The following ERCC8 variants were observed in gnomAD, a reference collection of about 807,000 sequenced individuals.
The protein encoded by ERCC8 is DNA excision repair protein ERCC-8.
Under a neutral mutation model 54.9 loss-of-function variants are expected in ERCC8, and 52 were observed. That is an observed-to-expected ratio of 0.95 (90% CI 0.76 to 1.19). The LOEUF is 1.19. ERCC8 is among the 50% of genes most tolerant of loss of function. ERCC8 has a pLI of 0.00. For synonymous variants in ERCC8, 146 were observed against 157.2 expected (o/e 0.93, Z 0.53); for missense variants, 514 against 466.1 (o/e 1.10, Z -0.95).
chr5:60,887,737 T>C (rs1030161453), intron 10 of ERCC8, among the ~76,000 whole-genome samples: 3 of 152,238 alleles, frequency 2.0e-5, no homozygotes, highest in African/African-American at 7.2e-5. Context: ...CAGAGCTTAC[T>C]AATGGTGTGA....
At chr5:60,904,380 A>G (rs1748990915) in intron 5 of ERCC8, among the ~76,000 whole-genome samples, 1 of 151,858 alleles carries the variant, frequency 6.6e-6, no homozygotes, top group Non-Finnish European at 1.5e-5. Context: ...GTGCTTTTAT[A>G]TAAATTGATG....
rs189673886 is a variant in ERCC8 at position 60,887,384 on chromosome 5, A to C, written c.1122+56T>G. 3 of 1,406,832 alleles carry C rather than the reference A, an allele frequency of 2.1e-6. No homozygotes were observed. In the Admixed American group the frequency reaches 5.0e-5, roughly 24 times the overall value. 87.1% of individuals were successfully genotyped at this position (1,406,832 alleles called of 1,614,324 possible). A position where few individuals can be genotyped will look rare whatever the true frequency, so the allele number is the denominator to read the frequency against. On this transcript the variant is annotated intron_variant, in intron 11 of 11. Transcript: ENST00000676185. ...AAGTCTCTCTCACATAAAGTAACAA[A>C]ACATTATTTCTTAAGCTTTAGAAGT...
At chr5:60,885,691 A>T (rs890325946) in intron 11 of ERCC8, among the ~76,000 whole-genome samples, 1 of 152,158 alleles carries the variant, frequency 6.6e-6, no homozygotes, top group Non-Finnish European at 1.5e-5. Context: ...CTACTTAAAG[A>T]TTTATCAAAA....
intron 11 of ERCC8, among the ~76,000 whole-genome samples, chr5:60,883,491 T>A (rs6449510): frequency 6.6e-6 from 1 of 151,766 alleles, no homozygotes; most frequent in Non-Finnish European, 1.5e-5. Flanking sequence ...TGACAGATAG[T>A]GTCAATGTTA....
chr5:60,938,373 G>A (rs1469043690), intron 1 of ERCC8, among the ~76,000 whole-genome samples: 2 of 45,114 alleles, frequency 4.4e-5, no homozygotes, highest in African/African-American at 1.7e-4. Context: ...TTTTTTTTTT[G>A]AGACGGAGTC....
intron 5 of ERCC8, among the ~76,000 whole-genome samples, chr5:60,903,959 AT>A (rs747828729): frequency 2.0e-5 from 3 of 152,072 alleles, no homozygotes; most frequent in Non-Finnish European, 2.9e-5. Context: ...ATAATTATAG[AT>A]TTGCAAGCAG....
intron 2 of ERCC8, among the ~76,000 whole-genome samples, chr5:60,923,268 T>C (rs1314007030): frequency 6.6e-6 from 1 of 152,146 alleles, no homozygotes; most frequent in Non-Finnish European, 1.5e-5. Flanking sequence ...AACAAGCATA[T>C]ATACTAAAGC....
At chr5:60,912,401 T>C (rs765480995) in intron 4 of ERCC8, among the ~76,000 whole-genome samples, 8 of 152,246 alleles carry the variant, frequency 5.3e-5, no homozygotes, top group African/African-American at 7.2e-5. Context: ...TTGTCTGTTA[T>C]TGGTATATAG....
At chr5:60,917,562 G>C (rs1205354522) in intron 4 of ERCC8, 2 of 152,058 alleles carry the variant, frequency 1.3e-5, no homozygotes, top group Admixed American at 6.6e-5. Context: ...GTGCAGTAAA[G>C]GCAAGGTAAA....
chr5:60,874,745 C>A (rs1218916130), intron 11 of ERCC8, 62 bp from the exon 12 acceptor site: 3 of 1,387,934 alleles, frequency 2.2e-6, no homozygotes, highest in Non-Finnish European at 3.0e-6. Context: ...TAATTTTAGG[C>A]TCACAATAAA....
At chr5:60,874,738 T>C in intron 11 of ERCC8, 55 bp from the exon 12 acceptor site, 1 of 1,430,672 alleles carries the variant, frequency 7.0e-7, no homozygotes, top group Non-Finnish European at 9.6e-7. Context: ...TACTTCATAA[T>C]TTTAGGCTCA....
rs1290087032 is a variant in ERCC8, at chr5:60,887,508, C to A, written c.1054G>T (p.Gly352Cys). The change falls in exon 11 of 12, where the codon GGT becomes TGT. Residue 352 changes from glycine to cysteine, a missense_variant. By Grantham distance (159) the Gly-to-Cys change is radical. Transcript: ENST00000676185. ...GCCAGAATGTTGCAGTCTCTGCTAC[C>A]ACTATAAAGTTCCTATAACATAGAA... ...FQSNFQELYSGSRDCNILAWV... is the reference protein window; with the variant it reads ...FQSNFQELYSCSRDCNILAWV... 1 of 1,613,468 alleles carries A rather than the reference C, an allele frequency of 6.2e-7. No individual in the cohort carries two copies. The highest frequency in any genetic ancestry group is 1.3e-5 in the African/African-American group (1 of 75,018).
Position 60,871,530 on chromosome 5 carries a change from A to G in ERCC8, c.*3085T>C, listed in dbSNP as rs756165800. ...AATGTGGAAAGAGAGGGGTGTTTAT[A>G]ACAACAGCTTGTTGAACATCCCATT... is the stretch of plus-strand genomic sequence containing the variant. On this transcript the variant is annotated 3_prime_UTR_variant, in exon 12 of 12. Transcript: ENST00000676185. Among the ~76,000 whole-genome samples the G allele has an allele frequency of 5.9e-5, 9 of 152,206 alleles. No individual in the cohort carries two copies. The highest frequency in any genetic ancestry group is 1.0e-4 in the Non-Finnish European group (7 of 68,042).
At chr5:60,893,379 G>A (rs950385876) in intron 9 of ERCC8, 4 of 853,914 alleles carry the variant, frequency 4.7e-6, no homozygotes, top group African/African-American at 3.3e-5. Context: ...TCTTGCTCCT[G>A]GGCAGCTTGC....
At chr5:60,908,587 T>G (rs575928066) in intron 4 of ERCC8, among the ~76,000 whole-genome samples, 1 of 144,934 alleles carries the variant, frequency 6.9e-6, no homozygotes, top group Non-Finnish European at 1.5e-5. Flanking sequence ...ATATATATTT[T>G]TTTTTTAAAT....
intron 4 of ERCC8, among the ~76,000 whole-genome samples, chr5:60,906,199 C>T (rs1453700506): frequency 6.6e-6 from 1 of 151,960 alleles, no homozygotes; most frequent in African/African-American, 2.4e-5. Context: ...ATGAGACTGG[C>T]TAATTTTTGT....
chr5:60,903,799 A>T, intron 5 of ERCC8, 83 bp from the exon 6 acceptor site: 1 of 1,324,628 alleles, frequency 7.5e-7, no homozygotes, highest in Non-Finnish European at 1.1e-6. Context: ...AGTAATCATG[A>T]CATTTTCACT....
chr5:60,885,514 A>G (rs1364642333), intron 11 of ERCC8, among the ~76,000 whole-genome samples: 1 of 152,160 alleles, frequency 6.6e-6, no homozygotes, highest in Non-Finnish European at 1.5e-5. Flanking sequence ...CAATAATTAC[A>G]TAAAGAAATG....
intron 1 of ERCC8, among the ~76,000 whole-genome samples, chr5:60,936,318 G>T (rs879614549): frequency 4.6e-5 from 7 of 152,124 alleles, no homozygotes; most frequent in Non-Finnish European, 7.3e-5. Context: ...GATGTTGATA[G>T]TAGCCTTGAA....
Sources: allele counts gnomAD v4.1 joint callset (sites outside exome capture counted in the v4.1 genomes callset), GRCh38; gene constraint gnomAD v4.1.1; transcripts MANE v1.5; gene names NCBI Gene and HGNC (gene_info 2026-07-23, HGNC 2026-07-21).